The following TFEC variants were observed in gnomAD, a reference collection of about 807,000 sequenced individuals.
TFEC encodes transcription factor EC.
Under a neutral mutation model 41.6 loss-of-function variants are expected in TFEC, and 31 were observed. The ratio of observed to expected loss-of-function variants is 0.74; its 90% confidence interval spans 0.56 to 1.01. The LOEUF is 1.01. Ranked by LOEUF, TFEC falls within the 50% of genes least tolerant of loss-of-function variation. The pLI is 0.00. For missense variants in TFEC, 402 were observed against 404.1 expected (o/e 0.99, Z 0.04); for synonymous variants, 143 against 140.6 (o/e 1.02, Z -0.12).
chr7:116,125,837 C>T (rs1291308238), intron 1 of TFEC, among the ~76,000 whole-genome samples: 2 of 152,098 alleles, frequency 1.3e-5, no homozygotes, highest in African/African-American at 2.4e-5. Flanking sequence ...AAGAAAATAT[C>T]CAGCTGACAG....
intron 1 of TFEC, among the ~76,000 whole-genome samples, chr7:116,001,097 T>C (rs1473277601): frequency 1.3e-5 from 2 of 152,114 alleles, no homozygotes; most frequent in Non-Finnish European, 2.9e-5. Context: ...AGCATTGTAC[T>C]GACACATAAA....
chr7:116,116,995 C>T (rs2116165928), intron 1 of TFEC, among the ~76,000 whole-genome samples: 1 of 151,666 alleles, frequency 6.6e-6, no homozygotes, highest in Admixed American at 6.6e-5. Flanking sequence ...AATGTAATAA[C>T]ATCTTTTAAC....
intron 1 of TFEC, among the ~76,000 whole-genome samples, chr7:116,144,936 A>C (rs900021791): frequency 3.9e-5 from 6 of 151,996 alleles, no homozygotes; most frequent in Non-Finnish European, 7.4e-5. Flanking sequence ...CTCTCTCCCT[A>C]TCTCTCTCTC....
At chr7:116,065,946 A>C (rs1201568291) in intron 3 of TFEC, among the ~76,000 whole-genome samples, 2 of 152,136 alleles carry the variant, frequency 1.3e-5, no homozygotes, top group Non-Finnish European at 2.9e-5. Context: ...TAGGCAGCTA[A>C]AAAATGGAAT....
intron 3 of TFEC, among the ~76,000 whole-genome samples, chr7:116,109,449 T>C (rs1172994868): frequency 6.6e-6 from 1 of 152,196 alleles, no homozygotes; most frequent in Non-Finnish European, 1.5e-5. Context: ...AAGACATCTA[T>C]GCAGTCAACA....
At chr7:115,972,531 G>T (rs1460114587) in intron 3 of TFEC, among the ~76,000 whole-genome samples, 4 of 152,048 alleles carry the variant, frequency 2.6e-5, no homozygotes, top group Middle Eastern at 3.2e-3. Flanking sequence ...CATGTGAATT[G>T]TGCCTCACTC....
chr7:116,016,685 T>G (rs766659244), intron 1 of TFEC, among the ~76,000 whole-genome samples: 6 of 151,850 alleles, frequency 4.0e-5, no homozygotes, highest in Non-Finnish European at 8.8e-5. Context: ...ACGTAGTATA[T>G]ATAATATATA....
chr7:116,080,976 AGT>A (rs60317630), intron 3 of TFEC, among the ~76,000 whole-genome samples: 9,073 of 137,726 alleles, frequency 0.066, 310 homozygotes, highest in Admixed American at 0.096. Context: ...AAGAAAATGT[AGT>A]GTGTGTGTGT....
intron 5 of TFEC, among the ~76,000 whole-genome samples, chr7:115,952,211 T>C (rs1340660551): frequency 1.3e-5 from 2 of 152,022 alleles, no homozygotes; most frequent in African/African-American, 2.4e-5. Context: ...TAATTGGTTC[T>C]GGTAAGAGTT....
intron 2 of TFEC, among the ~76,000 whole-genome samples, chr7:116,111,207 G>GT (rs1351333321): frequency 2.6e-5 from 4 of 151,792 alleles, no homozygotes; most frequent in African/African-American, 7.2e-5. Context: ...GCAAAGCCAG[G>GT]TACCAGTCTC....
chr7:116,104,214 G>A (rs894382845), intron 3 of TFEC, among the ~76,000 whole-genome samples: 3 of 152,096 alleles, frequency 2.0e-5, no homozygotes, highest in Non-Finnish European at 4.4e-5. Context: ...CACAGTGCCA[G>A]ACTGCCTTCT....
intron 3 of TFEC, among the ~76,000 whole-genome samples, chr7:116,061,433 G>A (rs1054932327): frequency 2.5e-4 from 38 of 152,036 alleles, no homozygotes; most frequent in Non-Finnish European, 5.1e-4. Context: ...TCCATAACTT[G>A]CACTATATAC....
At chr7:116,051,236 T>C (rs1348639199) in intron 3 of TFEC, among the ~76,000 whole-genome samples, 3 of 152,204 alleles carry the variant, frequency 2.0e-5, no homozygotes, top group East Asian at 1.9e-4. Flanking sequence ...ACATGGCACA[T>C]GTATACATAT....
intron 3 of TFEC, among the ~76,000 whole-genome samples, chr7:116,108,935 C>T (rs1797782820): frequency 6.6e-6 from 1 of 152,088 alleles, no homozygotes; most frequent in Non-Finnish European, 1.5e-5. Flanking sequence ...CTTTAAAAAA[C>T]AGTCCTTCCC....
At chr7:116,084,629 T>C (rs1797162082) in intron 3 of TFEC, among the ~76,000 whole-genome samples, 1 of 149,694 alleles carries the variant, frequency 6.7e-6, no homozygotes. Context: ...GAAAAGTTTC[T>C]AATATTTGAT....
At chr7:116,046,114 C>G (rs1471262888) in intron 3 of TFEC, among the ~76,000 whole-genome samples, 1 of 152,090 alleles carries the variant, frequency 6.6e-6, no homozygotes, top group East Asian at 1.9e-4. Context: ...CTTGCCTTGT[C>G]TCAGATGAGA....
intron 1 of TFEC, 131 bp downstream of exon 1, chr7:116,030,502 C>T (rs1795752812): frequency 2.0e-6 from 1 of 488,164 alleles, no homozygotes; most frequent in Admixed American, 6.4e-5. Flanking sequence ...ATCCTGATAC[C>T]TAGTTATCAT....
chr7:116,155,169 G>T (rs750940550), intron 1 of TFEC, among the ~76,000 whole-genome samples: 5 of 152,136 alleles, frequency 3.3e-5, no homozygotes, highest in Non-Finnish European at 4.4e-5. Flanking sequence ...ACATCATTCT[G>T]ATGAATGCTA....
At position 116,110,094 on chromosome 7, in the gene TFEC, G is replaced by A. The variant is rs560276784; in HGVS notation, c.198+614C>T. ...CCTGTCATGGAGTGGGGGGAAGGGG[G>A]AGGGATAGCATTAGGAGATATACCT... On this transcript the variant is annotated intron_variant, in intron 3 of 8. Coordinates refer to the TFEC transcript ENST00000484212. 3.3e-5 allele frequency among the ~76,000 whole-genome samples: 5 copies of A among 152,278 alleles called. No individual in the cohort carries two copies. In the East Asian group the frequency reaches 7.7e-4, roughly 24 times the overall value.
Sources: gnomAD v4.1 joint callset for allele counts (sites outside exome capture counted in the v4.1 genomes callset) on GRCh38, gnomAD v4.1.1 for gene constraint, MANE v1.5 for transcripts, NCBI Gene and HGNC (gene_info 2026-07-23, HGNC 2026-07-21) for gene names.